Variants in SYDE2 observed in about 807,000 individuals in gnomAD.
The protein encoded by SYDE2 is rho GTPase-activating protein SYDE2.
In SYDE2, 76 loss-of-function variants were observed where a neutral mutation model predicts 91.5. The observed-to-expected ratio is 0.83, with a 90% CI of 0.69 to 1.01. SYDE2 has a LOEUF of 1.01. Ranked by LOEUF, SYDE2 falls within the 50% of genes least tolerant of loss-of-function variation. The pLI is 0.00. For synonymous variants in SYDE2, 513 were observed against 506.4 expected (o/e 1.01, Z -0.18); for missense variants, 1,364 against 1,367.7 (o/e 1.00, Z 0.04).
rs1347856995 is a variant in SYDE2 at position 85,157,857 on chromosome 1, TTATAAA to T, written c.*887_*892del. On this transcript the variant is annotated 3_prime_UTR_variant, in exon 7 of 7. Coordinates refer to ENST00000341460, the MANE Select transcript of SYDE2 (RefSeq NM_032184.2). ...TCCTGATATCTATACATATATGCAT[TTATAAA>T]TATATACAGTTTCAGGATTATAAAA... 6.6e-6 allele frequency: 1 copy of T among 152,196 alleles called. No homozygotes were observed. The highest frequency in any genetic ancestry group is 1.5e-5 in the Non-Finnish European group (1 of 68,018). 9.4% of individuals were successfully genotyped at this position (152,196 alleles called of 1,614,324 possible). A position where few individuals can be genotyped will look rare whatever the true frequency, so the allele number is the denominator to read the frequency against.
At chr1:85,167,112 G>A (rs1657310886) in intron 5 of SYDE2, among the ~76,000 whole-genome samples, 1 of 151,660 alleles carries the variant, frequency 6.6e-6, no homozygotes, top group African/African-American at 2.4e-5. Flanking sequence ...TACTTGGGGG[G>A]CTGAGGCAGG....
intron 4 of SYDE2, among the ~76,000 whole-genome samples, chr1:85,175,862 A>C (rs544747079): frequency 6.6e-6 from 1 of 152,312 alleles, no homozygotes; most frequent in Non-Finnish European, 1.5e-5. Flanking sequence ...TTTATCAAGA[A>C]AAAAATAGTT....
intron 3 of SYDE2, among the ~76,000 whole-genome samples, chr1:85,179,871 C>T (rs1657845406): frequency 2.0e-5 from 3 of 152,106 alleles, no homozygotes. Flanking sequence ...GGAAGTACTA[C>T]TTAACTAGTA....
intron 6 of SYDE2, chr1:85,161,175 A>AT: frequency 1.1e-6 from 1 of 890,342 alleles, no homozygotes; most frequent in Non-Finnish European, 1.3e-6. Context: ...TCAAAATGTA[A>AT]TAAGTACTAA....
intron 1 of SYDE2, among the ~76,000 whole-genome samples, chr1:85,195,102 T>G (rs975310719): frequency 2.6e-5 from 4 of 151,288 alleles, no homozygotes; most frequent in Admixed American, 1.3e-4. Flanking sequence ...AGAGCTTGCA[T>G]TGAGCCGAGA....
intron 5 of SYDE2, among the ~76,000 whole-genome samples, chr1:85,167,962 A>G (rs903165550): frequency 2.6e-5 from 4 of 151,920 alleles, no homozygotes; most frequent in Non-Finnish European, 5.9e-5. Flanking sequence ...GAAAATACAA[A>G]AATAAGTCGG....
intron 1 of SYDE2, among the ~76,000 whole-genome samples, chr1:85,193,584 C>G (rs547325176): frequency 2.6e-5 from 4 of 152,020 alleles, no homozygotes; most frequent in African/African-American, 9.7e-5. Flanking sequence ...CAAGTTGATA[C>G]TTCCATTGAT....
downstream of SYDE2, chr1:85,153,241 T>C (rs1656814333): frequency 6.6e-6 from 1 of 152,190 alleles, no homozygotes; most frequent in Non-Finnish European, 1.5e-5. Flanking sequence ...ATGAATAGAC[T>C]GGATCGTGGG....
chr1:85,168,352 C>T (rs560276619), intron 5 of SYDE2, among the ~76,000 whole-genome samples: 26 of 152,316 alleles, frequency 1.7e-4, no homozygotes, highest in Admixed American at 1.6e-3. Flanking sequence ...CTAATTCTTG[C>T]TCTTTCTGCC....
chr1:85,164,175 T>TA (rs896934562), intron 6 of SYDE2, among the ~76,000 whole-genome samples: 1 of 152,174 alleles, frequency 6.6e-6, no homozygotes, highest in Non-Finnish European at 1.5e-5. Flanking sequence ...AAAATCCTAA[T>TA]AAAAATCTAT....
chr1:85,187,468 G>T (rs879370991), intron 2 of SYDE2, among the ~76,000 whole-genome samples: 1 of 151,720 alleles, frequency 6.6e-6, no homozygotes, highest in Admixed American at 6.6e-5. Context: ...TGATTCCTCA[G>T]GGATCTAGAA....
At chr1:85,183,225 G>GT (rs748514435) in intron 2 of SYDE2, 25 bp from the exon 3 acceptor site, 79 of 1,497,728 alleles carry the variant, frequency 5.3e-5, no homozygotes, top group Non-Finnish European at 6.8e-5. Flanking sequence ...AGAAAAATAC[G>GT]TTATAAAGCA....
chr1:85,153,560 C>T (rs1656818505), downstream of SYDE2: 1 of 152,174 alleles, frequency 6.6e-6, no homozygotes, highest in African/African-American at 2.4e-5. Context: ...CAAGCTAATT[C>T]CTCTCTGCCT....
intron 5 of SYDE2, among the ~76,000 whole-genome samples, chr1:85,167,973 G>T (rs1030347717): frequency 1.3e-5 from 2 of 152,088 alleles, no homozygotes; most frequent in African/African-American, 4.8e-5. Context: ...AATAAGTCGG[G>T]CATGGTGGCG....
downstream of SYDE2, among the ~76,000 whole-genome samples, chr1:85,155,856 A>C (rs1002931430): frequency 6.6e-6 from 1 of 152,244 alleles, no homozygotes; most frequent in Non-Finnish European, 1.5e-5. Context: ...CTGATTATAT[A>C]AACTAATAGT....
chr1:85,190,872 A>G lies in SYDE2; in HGVS notation c.746-120T>C, dbSNP rs1278900575. On this transcript the variant is annotated intron_variant, in intron 1 of 6. Transcript: ENST00000341460. Reference sequence around the variant, plus strand: ...ACAAAAAGTAACAACAATCACATTCAGAGACTAAAATTGAACTAGAAAAAA... The same window carrying G: ...ACAAAAAGTAACAACAATCACATTCGGAGACTAAAATTGAACTAGAAAAAA... The G allele has an allele frequency of 1.2e-5, 8 of 671,186 alleles. No homozygotes were observed. In the Admixed American group the frequency reaches 2.1e-4, roughly 17 times the overall value. The allele number at this position is 671,186 out of a possible 1,614,324, so 41.6% of individuals were successfully genotyped here. A position where few individuals can be genotyped will look rare whatever the true frequency, so the allele number is the denominator to read the frequency against.
At chr1:85,179,849 G>C (rs1657845222) in intron 3 of SYDE2, among the ~76,000 whole-genome samples, 1 of 151,988 alleles carries the variant, frequency 6.6e-6, no homozygotes, top group Non-Finnish European at 1.5e-5. Flanking sequence ...GATGAGCCTA[G>C]AACAACTTAA....
chr1:85,159,562 G>C (rs1656986481), intron 6 of SYDE2, among the ~76,000 whole-genome samples: 1 of 152,080 alleles, frequency 6.6e-6, no homozygotes, highest in African/African-American at 2.4e-5. Context: ...TCAAACAATA[G>C]CTAAGCTGGT....
rs1658325990 is a variant in SYDE2 at position 85,190,548 on chromosome 1, G to A, written c.950C>T (p.Ser317Leu). ...KCQDRSHLSI[S>L]PVSLPKHQLS... ...CTGATGTTTAGGTAGAGACACAGGT[G>A]AGATGGATAAATGACTTCTATCTTG... Residue 317 changes from serine (S) to leucine (L), a missense_variant, in exon 2 of 7, where the codon TCA becomes TTA. Coordinates refer to ENST00000341460, the MANE Select transcript of SYDE2 (RefSeq NM_032184.2). The A allele has an allele frequency of 3.7e-6, 6 of 1,614,014 alleles. No individual in the cohort carries two copies. Among genetic ancestry groups the A allele is most frequent in the Non-Finnish European group, 5.1e-6 (6 of 1,179,886 alleles).
Sources: allele counts gnomAD v4.1 joint callset (sites outside exome capture counted in the v4.1 genomes callset), GRCh38; gene constraint gnomAD v4.1.1; transcripts MANE v1.5; gene names NCBI Gene and HGNC (gene_info 2026-07-23, HGNC 2026-07-21).